Variants in PWWP2B observed in about 807,000 individuals in gnomAD.
PWWP2B encodes the protein PWWP domain containing 2B, also known as PWWP domain-containing protein 2B.
A neutral mutation model predicts 15.5 loss-of-function variants in PWWP2B; 9 were observed. The ratio of observed to expected loss-of-function variants is 0.58; its 90% CI spans 0.35 to 1.02. PWWP2B has a LOEUF of 1.02. Among genes scored for constraint, PWWP2B ranks in the 50% least tolerant of loss-of-function variants. The pLI is 0.02. For synonymous variants in PWWP2B, 474 were observed against 403.6 expected (o/e 1.17, Z -2.09); for missense variants, 864 against 865.3 (o/e 1.00, Z 0.02).
intron 2 of PWWP2B, 29 bp downstream of exon 2, chr10:132,406,318 C>A (rs1419829568): frequency 1.3e-6 from 2 of 1,544,342 alleles, no homozygotes; most frequent in African/African-American, 1.4e-5. Context: ...GCCTCCTTCC[C>A]CCCAGCGGCC....
At chr10:132,404,058 C>T (rs995373274) in intron 1 of PWWP2B, among the ~76,000 whole-genome samples, 46 of 92,638 alleles carry the variant, frequency 5.0e-4, no homozygotes, top group Middle Eastern at 6.8e-3. Flanking sequence ...ACGGCATTCT[C>T]CAGGGCTCCT....
rs115357485 is a variant in PWWP2B at position 132,403,097 on chromosome 10, G to A, written c.126-1529G>A. Among the ~76,000 whole-genome samples the A allele has an allele frequency of 5.6e-3, 856 of 152,384 alleles. 9 individuals are homozygous for A. The highest frequency in any genetic ancestry group is 0.02 in the African/African-American group (825 of 41,588). ...CTCAGTGAGACCATTTGCACAGGGG[G>A]CCCAGCCCGCACTCCAGAGATGCTC... On this transcript the variant is annotated intron_variant, in intron 1 of 2. Transcript: ENST00000305233.
chr10:132,397,251 CTGCCGGT>C lies in PWWP2B; in HGVS notation c.26_32del (p.Leu9ArgfsTer15). On this transcript the variant is annotated frameshift_variant, in exon 1 of 3. Transcript: ENST00000305233. LOFTEE classifies it high-confidence loss of function. ...CATGGAGCCGCGCGCCGGCTGCCGG[CTGCCGGT>C]GCGGGTGGAGCAGGTCGTCAACGGC... 1 of 1,290,056 alleles carries C rather than the reference CTGCCGGT, an allele frequency of 7.8e-7. No individual in the cohort carries two copies. The highest frequency in any genetic ancestry group is 9.9e-7 in the Non-Finnish European group (1 of 1,010,724). 79.9% of individuals were successfully genotyped at this position (1,290,056 alleles called of 1,614,324 possible). A position where few individuals can be genotyped will look rare whatever the true frequency, so the allele number is the denominator to read the frequency against.
chr10:132,397,392 C>T, intron 1 of PWWP2B, 41 bp downstream of exon 1: 2 of 1,192,332 alleles, frequency 1.7e-6, no homozygotes, highest in Non-Finnish European at 2.1e-6. Flanking sequence ...GGGGTCCCCA[C>T]GCGACACCCG....
At position 132,405,727 on chromosome 10, in the gene PWWP2B, C is replaced by T; in HGVS notation, c.1227C>T (p.Ser409=). Residue 409 remains serine (S), a synonymous_variant, in exon 2 of 3, where the codon AGC becomes AGT. Coordinates refer to ENST00000305233, the MANE Select transcript of PWWP2B (RefSeq NM_138499.4). ...GCGAGGGCTTGGCTTTTCTCGTCAG[C>T]TGCCCTGAGGGGAGAGCGGACTGTG... ...QGREGLAFLV[S]CPEGRADCAS... The T allele has an allele frequency of 1.2e-6, 2 of 1,610,582 alleles. No individual in the cohort carries two copies. Among genetic ancestry groups the T allele is most frequent in the Middle Eastern group, 1.6e-4 (1 of 6,062 alleles).
chr10:132,408,117 A>T (rs999421868), intron 2 of PWWP2B, among the ~76,000 whole-genome samples: 1 of 152,234 alleles, frequency 6.6e-6, no homozygotes, highest in Non-Finnish European at 1.5e-5. Flanking sequence ...CAGTGCCTGC[A>T]CACGGGGCCT....
chr10:132,409,734 TC>T (rs2069753826), intron 2 of PWWP2B, among the ~76,000 whole-genome samples: 1 of 150,378 alleles, frequency 6.6e-6, no homozygotes, highest in Non-Finnish European at 1.5e-5. Context: ...AATCACCAGT[TC>T]CCAAATTAGT....
At position 132,404,605 on chromosome 10, in the gene PWWP2B, TTTCTCTCTCTCCATTGC is replaced by T; in HGVS notation, c.126-20_126-4del. ...GTGCCAGGGTCCCTTCTCACTGTGG[TTTCTCTCTCTCCATTGC>T]CAGGTCCGGCCTCTTTGGCCTACCC... On this transcript the variant is annotated splice_region_variant and splice_polypyrimidine_tract_variant and intron_variant, in intron 1 of 2. Coordinates refer to ENST00000305233, the MANE Select transcript of PWWP2B (RefSeq NM_138499.4). 6.2e-7 allele frequency: 1 copy of T among 1,605,508 alleles called. No homozygotes were observed. The highest frequency in any genetic ancestry group is 8.5e-7 in the Non-Finnish European group (1 of 1,173,906).
chr10:132,404,793 G>GGCCCCCCCCCCC lies in PWWP2B; in HGVS notation c.293_294insGCCCCCCCCCCC (p.Pro99_Glu100insProProProPro). The stretch of plus-strand genomic sequence containing the variant: ...GGGGTTCAGCCCCCCGAGACCACCC[G>GGCCCCCCCCCCC]CCCCGAGCCACCCCCGCCCCTCGTG... On this transcript the variant is annotated inframe_insertion, in exon 2 of 3. Coordinates refer to ENST00000305233, the MANE Select transcript of PWWP2B (RefSeq NM_138499.4). 9.9e-7 allele frequency: 1 copy of GGCCCCCCCCCCC among 1,014,668 alleles called. No individual in the cohort carries two copies. Among genetic ancestry groups the GGCCCCCCCCCCC allele is most frequent in the Non-Finnish European group, 1.4e-6 (1 of 720,238 alleles). 62.9% of individuals were successfully genotyped at this position (1,014,668 alleles called of 1,614,324 possible). A position where few individuals can be genotyped will look rare whatever the true frequency, so the allele number is the denominator to read the frequency against.
At chr10:132,403,742 T>C (rs373563444) in intron 1 of PWWP2B, among the ~76,000 whole-genome samples, 2 of 152,148 alleles carry the variant, frequency 1.3e-5, no homozygotes, top group East Asian at 3.9e-4. Flanking sequence ...GGGATTGGTG[T>C]CCCGGCTGTG....
rs369101640 is a variant in PWWP2B at position 132,405,799 on chromosome 10, G to A, written c.1299G>A (p.Ser433=). The A allele has an allele frequency of 2.1e-5, 34 of 1,607,370 alleles. No individual in the cohort carries two copies. The highest frequency in any genetic ancestry group is 3.3e-4 in the Middle Eastern group (2 of 6,084). The change falls in exon 2 of 3, where the codon TCG becomes TCA. Residue 433 remains serine (S), a synonymous_variant. Coordinates refer to ENST00000305233, the MANE Select transcript of PWWP2B (RefSeq NM_138499.4). ...CSSDSLDEAR[S]SGSEGTPADT... Reference sequence around the variant, plus strand: ...GCGACAGCCTGGACGAGGCCAGATCGTCCGGCTCGGAAGGGACGCCGGCAG... The same window carrying A: ...GCGACAGCCTGGACGAGGCCAGATCATCCGGCTCGGAAGGGACGCCGGCAG...
chr10:132,402,041 C>T lies in PWWP2B; in HGVS notation c.126-2585C>T, dbSNP rs1371611997. Among the ~76,000 whole-genome samples, 5 of 152,234 alleles carry T rather than the reference C, an allele frequency of 3.3e-5. No individual in the cohort carries two copies. In the East Asian group the frequency reaches 5.8e-4, roughly 18 times the overall value. On this transcript the variant is annotated intron_variant, in intron 1 of 2. Transcript: ENST00000305233. ...TGCCTGACGTGCCAGGGTCACCGGC[C>T]GTTTTTGTAGGGCTGGCTTGTCCAG...
chr10:132,411,794 G>T (rs899015998), intron 2 of PWWP2B, among the ~76,000 whole-genome samples: 3 of 152,224 alleles, frequency 2.0e-5, no homozygotes, highest in Non-Finnish European at 4.4e-5. Flanking sequence ...CCAGGCTTCG[G>T]CTTTTCTGAT....
chr10:132,408,499 C>T (rs1035277325), intron 2 of PWWP2B, among the ~76,000 whole-genome samples: 2 of 152,094 alleles, frequency 1.3e-5, no homozygotes, highest in Non-Finnish European at 2.9e-5. Context: ...GAGGGAGGGG[C>T]GGGAGGAGGA....
intron 2 of PWWP2B, among the ~76,000 whole-genome samples, chr10:132,414,380 G>A (rs2069817685): frequency 6.6e-6 from 1 of 152,200 alleles, no homozygotes; most frequent in East Asian, 1.9e-4. Flanking sequence ...CCTTTGATTT[G>A]AGCCTCTTTC....
In PWWP2B at chr10:132,405,063, C is replaced by T. The variant is rs772866444; in HGVS notation, c.563C>T (p.Pro188Leu). Residue 188 changes from proline to leucine, a missense_variant, in exon 2 of 3, where the codon CCG becomes CTG. Around this residue, in one of 2 missense-constraint regions of PWWP2B, gnomAD observed 736 missense variants for 687.7 expected, o/e 1.07. Coordinates refer to ENST00000305233, the MANE Select transcript of PWWP2B (RefSeq NM_138499.4). ...CEKCKSTLSPPEASPGPPAAP... is the reference protein window; with the variant it reads ...CEKCKSTLSPLEASPGPPAAP... ...AAGTGCAAGAGCACGCTGAGCCCCC[C>T]GGAGGCCAGCCCCGGACCCCCAGCC... 31 of 1,516,242 alleles carry T rather than the reference C, an allele frequency of 2.0e-5. No individual in the cohort carries two copies. Among genetic ancestry groups the T allele is most frequent in the Admixed American group, 2.1e-5 (1 of 46,794 alleles). The allele number at this position is 1,516,242 out of a possible 1,614,324, so 93.9% of individuals were successfully genotyped here. A position where few individuals can be genotyped will look rare whatever the true frequency, so the allele number is the denominator to read the frequency against.
chr10:132,409,169 G>A (rs373966930), intron 2 of PWWP2B, among the ~76,000 whole-genome samples: 4 of 152,322 alleles, frequency 2.6e-5, no homozygotes, highest in East Asian at 3.9e-4. Flanking sequence ...ACTCCACCCC[G>A]GTGGTCACGG....
intron 2 of PWWP2B, among the ~76,000 whole-genome samples, chr10:132,414,303 G>T (rs1372797709): frequency 6.6e-6 from 1 of 152,270 alleles, no homozygotes; most frequent in Non-Finnish European, 1.5e-5. Flanking sequence ...GTTGTTGATG[G>T]AGAAGGACTT....
At chr10:132,408,329 G>A (rs923825830) in intron 2 of PWWP2B, among the ~76,000 whole-genome samples, 4 of 152,226 alleles carry the variant, frequency 2.6e-5, no homozygotes, top group East Asian at 1.9e-4. Context: ...TGAGGGACAC[G>A]TTTGCTTTGA....
Sources: allele counts gnomAD v4.1 joint callset (sites outside exome capture counted in the v4.1 genomes callset), GRCh38; gene constraint gnomAD v4.1.1; regional missense constraint gnomAD v4.1.1; transcripts MANE v1.5; gene names NCBI Gene and HGNC (gene_info 2026-07-23, HGNC 2026-07-21).